HACE1: variants seen among roughly 807,000 people sequenced by gnomAD.
HACE1 encodes the protein HECT domain and ankyrin repeat containing E3 ubiquitin protein ligase 1, also known as E3 ubiquitin-protein ligase HACE1.
HACE1 carries 73 observed loss-of-function variants against 118.4 expected under a neutral mutation model. The ratio of observed to expected loss-of-function variants is 0.62; its 90% CI spans 0.51 to 0.75. The LOEUF (loss-of-function observed/expected upper bound fraction) is 0.75, where lower values mean the gene tolerates loss of function less well. Among genes scored for constraint, HACE1 ranks in the 30% least tolerant of loss-of-function variants. HACE1 has a pLI of 0.00. For missense variants in HACE1, 749 were observed against 1,102.2 expected (o/e 0.68, Z 4.54); for synonymous variants, 368 against 374.8 (o/e 0.98, Z 0.21).
At chr6:104,837,651 A>G (rs1000509608) in intron 5 of HACE1, among the ~76,000 whole-genome samples, 1 of 152,206 alleles carries the variant, frequency 6.6e-6, no homozygotes. Context: ...CTTCAAAGTT[A>G]AAAAACTTTT....
At chr6:104,826,143 T>C (rs886859296) in intron 6 of HACE1, among the ~76,000 whole-genome samples, 1 of 152,220 alleles carries the variant, frequency 6.6e-6, no homozygotes, top group Admixed American at 6.5e-5. Flanking sequence ...TGATCTGAAG[T>C]GGAACAGTTT....
At chr6:104,848,447 C>G (rs1775876373) in intron 4 of HACE1, among the ~76,000 whole-genome samples, 1 of 148,224 alleles carries the variant, frequency 6.7e-6, no homozygotes, top group Non-Finnish European at 1.5e-5. Context: ...GGAGTGAGAC[C>G]CCATCTCAAA....
chr6:104,771,134 T>C lies in HACE1; in HGVS notation c.2211+59A>G, dbSNP rs548954994. The stretch of plus-strand genomic sequence containing the variant: ...AAGTGCCAGAAGAATTTAGAGTAAC[T>C]AGCAAACTATCAGGGCCAAGTTACA... On this transcript the variant is annotated intron_variant, in intron 19 of 23. Transcript: ENST00000262903. 9 of 1,221,232 alleles carry C rather than the reference T, an allele frequency of 7.4e-6. No homozygotes were observed. In the South Asian group the frequency reaches 8.4e-5, roughly 11 times the overall value. 75.6% of individuals were successfully genotyped at this position (1,221,232 alleles called of 1,614,324 possible). A position where few individuals can be genotyped will look rare whatever the true frequency, so the allele number is the denominator to read the frequency against.
intron 1 of HACE1, among the ~76,000 whole-genome samples, chr6:104,858,243 A>G (rs1437490279): frequency 6.6e-6 from 1 of 152,244 alleles, no homozygotes; most frequent in African/African-American, 2.4e-5. Flanking sequence ...TGTAGTCTTC[A>G]TAAAGCTATA....
intron 7 of HACE1, among the ~76,000 whole-genome samples, chr6:104,804,574 G>A (rs1770782988): frequency 6.6e-6 from 1 of 152,126 alleles, no homozygotes; most frequent in African/African-American, 2.4e-5. Flanking sequence ...ATAACCATCT[G>A]ATCTTTGACA....
At chr6:104,775,850 G>C (rs1781177866) in intron 17 of HACE1, among the ~76,000 whole-genome samples, 1 of 151,644 alleles carries the variant, frequency 6.6e-6, no homozygotes, top group Admixed American at 6.6e-5. Flanking sequence ...TGCTAGTTTG[G>C]TTGGAAGCAA....
intron 10 of HACE1, among the ~76,000 whole-genome samples, chr6:104,792,068 C>T (rs1462469635): frequency 6.6e-6 from 1 of 152,130 alleles, no homozygotes; most frequent in Non-Finnish European, 1.5e-5. Flanking sequence ...GGCCAACCCA[C>T]AACTGTTTTA....
rs907329289 is a variant in HACE1 at position 104,769,033 on chromosome 6, CA to C, written c.2211+2159del. 2.0e-5 allele frequency among the ~76,000 whole-genome samples: 3 copies of C among 151,908 alleles called. No individual in the cohort carries two copies. The South Asian group carries it at 6.2e-4, about 32-fold the overall frequency. On this transcript the variant is annotated intron_variant, in intron 19 of 23. Coordinates refer to ENST00000262903, the MANE Select transcript of HACE1 (RefSeq NM_020771.4). ...CATAAATATAGATATACCTCATACA[CA>C]TTTTTTTTTCTTTTTTAAGTGATAG...
chr6:104,758,413 G>C (rs940633207), intron 19 of HACE1, among the ~76,000 whole-genome samples: 2 of 152,136 alleles, frequency 1.3e-5, no homozygotes, highest in Admixed American at 6.5e-5. Flanking sequence ...TTAAAGAAAA[G>C]AATTTTCAAC....
intron 17 of HACE1, among the ~76,000 whole-genome samples, chr6:104,776,146 T>A (rs1361650407): frequency 6.6e-6 from 1 of 152,186 alleles, no homozygotes; most frequent in Non-Finnish European, 1.5e-5. Flanking sequence ...TATGGTTCAA[T>A]AAGAGCTTTA....
intron 19 of HACE1, among the ~76,000 whole-genome samples, chr6:104,765,875 T>C (rs1779950893): frequency 6.6e-6 from 1 of 152,198 alleles, no homozygotes; most frequent in African/African-American, 2.4e-5. Context: ...GTTTATTCTT[T>C]TGTTTCTTCA....
intron 7 of HACE1, among the ~76,000 whole-genome samples, chr6:104,802,167 C>G (rs770303848): frequency 4.6e-5 from 7 of 152,112 alleles, no homozygotes; most frequent in Non-Finnish European, 8.8e-5. Flanking sequence ...GAAGAGCTAA[C>G]TATCCTAAAT....
intron 6 of HACE1, chr6:104,824,990 G>C (rs1455582522): frequency 6.6e-6 from 1 of 151,198 alleles, no homozygotes; most frequent in Non-Finnish European, 1.5e-5. Flanking sequence ...GGCTGAGGCA[G>C]GAGAATGGAG....
intron 6 of HACE1, among the ~76,000 whole-genome samples, chr6:104,831,983 GAAGGAAGGAAGGA>G (rs1562471223): frequency 2.4e-4 from 14 of 57,950 alleles, no homozygotes; most frequent in African/African-American, 5.5e-4. Flanking sequence ...GAGAAGAGAG[GAAGGAAGGAAGGA>G]AGGAAGGAAG....
intron 5 of HACE1, among the ~76,000 whole-genome samples, chr6:104,836,803 G>C (rs901893243): frequency 6.6e-6 from 1 of 152,138 alleles, no homozygotes; most frequent in Admixed American, 6.5e-5. Flanking sequence ...AAGTCCCCCA[G>C]AACTAATAAG....
In HACE1 at chr6:104,859,674, C is replaced by A; in HGVS notation, c.-32G>T. ...CGCGCCCTCCGCGATCCTCCGCGAT[C>A]AGCCGCCCCACCGGCGGCCTCCGCG... On this transcript the variant is annotated 5_prime_UTR_variant, in exon 1 of 24. Transcript: ENST00000262903. 6.6e-7 allele frequency: 1 copy of A among 1,521,940 alleles called. No individual in the cohort carries two copies. The highest frequency in any genetic ancestry group is 1.2e-5 in the South Asian group (1 of 82,426). The allele number at this position is 1,521,940 out of a possible 1,614,324, so 94.3% of individuals were successfully genotyped here. A position where few individuals can be genotyped will look rare whatever the true frequency, so the allele number is the denominator to read the frequency against.
intron 20 of HACE1, among the ~76,000 whole-genome samples, chr6:104,746,904 A>G (rs1404312809): frequency 6.6e-6 from 1 of 152,170 alleles, no homozygotes; most frequent in Non-Finnish European, 1.5e-5. Flanking sequence ...GTATGCTTTC[A>G]TTATTCATAA....
In HACE1 at chr6:104,858,811, G is replaced by A. The variant is rs182586315; in HGVS notation, c.76+756C>T. ...CCACTAAAATGTCTGAATTCCTGAC[G>A]CTGCAAACAAAACTGCTTATTTTCT... is the stretch of plus-strand genomic sequence containing the variant. On this transcript the variant is annotated intron_variant, in intron 1 of 23. Transcript: ENST00000262903. Among the ~76,000 whole-genome samples the A allele has an allele frequency of 1.2e-3, 190 of 152,244 alleles. 1 individual carries two copies. Among genetic ancestry groups the A allele is most frequent in the African/African-American group, 4.5e-3 (185 of 41,538 alleles).
At chr6:104,796,359 C>T (rs1411718065) in intron 9 of HACE1, among the ~76,000 whole-genome samples, 1 of 152,162 alleles carries the variant, frequency 6.6e-6, no homozygotes, top group African/African-American at 2.4e-5. Context: ...ATCCACCCAC[C>T]TCAGCCTCCC....
Sources: gnomAD v4.1 joint callset for allele counts (sites outside exome capture counted in the v4.1 genomes callset) on GRCh38, gnomAD v4.1.1 for gene constraint, MANE v1.5 for transcripts, NCBI Gene and HGNC (gene_info 2026-07-23, HGNC 2026-07-21) for gene names.